Variants in MTA3 observed in about 807,000 individuals in gnomAD.
The protein encoded by MTA3 is metastasis associated 1 family member 3.
MTA3 carries 34 observed loss-of-function variants against 83.5 expected under a neutral mutation model. That is an observed-to-expected ratio of 0.41 (90% confidence interval 0.31 to 0.54). The LOEUF (loss-of-function observed/expected upper bound fraction) is 0.54. Ranked by LOEUF, MTA3 falls within the 20% of genes least tolerant of loss-of-function variation. The pLI, the probability that MTA3 is intolerant of heterozygous loss-of-function variation, is 0.33. For missense variants in MTA3, 761 were observed against 726.4 expected, an observed-to-expected ratio of 1.05 and a Z score of -0.55; for synonymous variants, 303 against 252.7, an observed-to-expected ratio of 1.20 and a Z score of -1.89.
At chr2:42,513,866 A>C (rs1675012788) in intron 2 of MTA3, among the ~76,000 whole-genome samples, 1 of 152,228 alleles carries the variant, frequency 6.6e-6, no homozygotes, top group South Asian at 2.1e-4. Flanking sequence ...GAAATCCAGC[A>C]ATGCTGGCCT....
Position 42,754,227 on chromosome 2 carries a change from G to C in MTA3, c.*828G>C, listed in dbSNP as rs1449843098. On this transcript the variant is annotated 3_prime_UTR_variant, in exon 17 of 17. Coordinates refer to ENST00000405094, the MANE Select transcript of MTA3 (RefSeq NM_001330442.2). ...GCCCTGTTCCCTTGCAGCCAAACCAGCTGATGAAGAACTGCTGCCAGGTGG... is the reference window on the plus strand; with the variant it reads ...GCCCTGTTCCCTTGCAGCCAAACCACCTGATGAAGAACTGCTGCCAGGTGG... The C allele has an allele frequency of 1.0e-6, 1 of 985,338 alleles. No individual in the cohort carries two copies. The highest frequency in any genetic ancestry group is 1.2e-6 in the Non-Finnish European group (1 of 829,968). The allele number at this position is 985,338 out of a possible 1,614,324, so 61.0% of individuals were successfully genotyped here.
chr2:42,585,657 A>G (rs906092966), intron 3 of MTA3, among the ~76,000 whole-genome samples: 17 of 151,762 alleles, frequency 1.1e-4, no homozygotes, highest in African/African-American at 3.6e-4. Flanking sequence ...GTATTTTTAT[A>G]GAGACCGGGT....
chr2:42,638,437 G>T (rs1241393157), intron 4 of MTA3, among the ~76,000 whole-genome samples: 1 of 151,402 alleles, frequency 6.6e-6, no homozygotes, highest in Admixed American at 6.6e-5. Context: ...TGCCCAGGCT[G>T]GAGTTCAGTG....
chr2:42,572,770 C>T (rs1323388216), intron 2 of MTA3, among the ~76,000 whole-genome samples: 1 of 152,056 alleles, frequency 6.6e-6, no homozygotes, highest in East Asian at 1.9e-4. Context: ...TCTTGTTGCC[C>T]AGACTGGAGT....
intron 11 of MTA3, among the ~76,000 whole-genome samples, chr2:42,701,943 G>T (rs889695073): frequency 7.2e-6 from 1 of 138,912 alleles, no homozygotes; most frequent in Non-Finnish European, 1.6e-5. Context: ...GGGCATGGTG[G>T]CTCACGCCTG....
At chr2:42,591,682 G>A (rs184155757) in intron 3 of MTA3, among the ~76,000 whole-genome samples, 1 of 148,470 alleles carries the variant, frequency 6.7e-6, no homozygotes, top group Admixed American at 6.7e-5. Flanking sequence ...ACGGAGTTTC[G>A]CTCAGTGGCC....
At chr2:42,551,360 T>C (rs1159104282) in intron 2 of MTA3, among the ~76,000 whole-genome samples, 2 of 151,860 alleles carry the variant, frequency 1.3e-5, no homozygotes, top group Non-Finnish European at 2.9e-5. Context: ...CTGGCTAAGT[T>C]TTATATTTTT....
chr2:42,556,950 G>A (rs998684088), intron 2 of MTA3, among the ~76,000 whole-genome samples: 1 of 152,188 alleles, frequency 6.6e-6, no homozygotes, highest in Non-Finnish European at 1.5e-5. Context: ...AAGATCAAGG[G>A]CAGAGGAAGG....
chr2:42,617,911 A>G, intron 4 of MTA3, among the ~76,000 whole-genome samples: 1 of 151,992 alleles, frequency 6.6e-6, no homozygotes, highest in South Asian at 2.1e-4. Flanking sequence ...GGGAGCATTG[A>G]TAGAAATCTG....
chr2:42,572,347 G>C (rs1678584162), intron 2 of MTA3, among the ~76,000 whole-genome samples: 1 of 151,986 alleles, frequency 6.6e-6, no homozygotes, highest in African/African-American at 2.4e-5. Flanking sequence ...ATTTTGGGAA[G>C]CTGAGGCCTC....
At chr2:42,534,438 A>T (rs951275999) in intron 2 of MTA3, among the ~76,000 whole-genome samples, 12 of 152,288 alleles carry the variant, frequency 7.9e-5, no homozygotes, top group Non-Finnish European at 1.3e-4. Flanking sequence ...TCTACTAAAA[A>T]TACAAAAAAT....
chr2:42,646,593 G>C (rs558378847), intron 6 of MTA3, among the ~76,000 whole-genome samples: 17 of 152,340 alleles, frequency 1.1e-4, no homozygotes, highest in Non-Finnish European at 2.2e-4. Context: ...AGTAACTGTA[G>C]TTATGGTGGA....
chr2:42,714,854 G>C (rs1666914079), intron 14 of MTA3, among the ~76,000 whole-genome samples: 1 of 152,288 alleles, frequency 6.6e-6, no homozygotes, highest in African/African-American at 2.4e-5. Context: ...GCTCCTATGA[G>C]AATCTAATGC....
chr2:42,653,772 C>G (rs1401115258), intron 6 of MTA3, among the ~76,000 whole-genome samples: 1 of 152,154 alleles, frequency 6.6e-6, no homozygotes. Flanking sequence ...ATTTAACTGA[C>G]TTGAATTTGA....
intron 3 of MTA3, among the ~76,000 whole-genome samples, chr2:42,600,847 T>C (rs565151743): frequency 6.6e-6 from 1 of 152,110 alleles, no homozygotes; most frequent in Admixed American, 6.6e-5. Context: ...AGCTCAATGG[T>C]TCATTTCTTT....
rs67598721 is a variant in MTA3 at position 42,595,106 on chromosome 2, A to ATTTTTT, written c.191-14336_191-14331dup. Among the ~76,000 whole-genome samples the ATTTTTT allele has an allele frequency of 1.3e-3, 98 of 77,052 alleles. 7 individuals carry two copies. The highest frequency in any genetic ancestry group is 1.8e-3 in the Admixed American group (8 of 4,418). 50.5% of individuals were successfully genotyped at this position (77,052 alleles called of 152,430 possible). ...GGTAGTAAGGCTAAACAGGAGCTTC[A>ATTTTTT]TTTTTTTTTTTTTTTTTTTTTGAGA... is the stretch of plus-strand genomic sequence containing the variant. On this transcript the variant is annotated intron_variant, in intron 3 of 16. Coordinates refer to ENST00000405094, the MANE Select transcript of MTA3 (RefSeq NM_001330442.2).
intron 6 of MTA3, among the ~76,000 whole-genome samples, chr2:42,651,989 C>T (rs1331050986): frequency 1.3e-5 from 2 of 151,366 alleles, no homozygotes; most frequent in East Asian, 1.9e-4. Context: ...CCAGCTACTT[C>T]GGGAGGCTGA....
At chr2:42,676,618 T>C (rs1408408435) in intron 8 of MTA3, among the ~76,000 whole-genome samples, 1 of 151,968 alleles carries the variant, frequency 6.6e-6, no homozygotes, top group Non-Finnish European at 1.5e-5. Flanking sequence ...ATACAAAAAT[T>C]AGCTGGGCAT....
intron 16 of MTA3, among the ~76,000 whole-genome samples, chr2:42,726,247 G>C (rs1252283596): frequency 1.3e-5 from 2 of 152,174 alleles, no homozygotes; most frequent in African/African-American, 4.8e-5. Flanking sequence ...AACACCCGGG[G>C]CTGCTGAGAT....
Sources: allele counts gnomAD v4.1 joint callset (sites outside exome capture counted in the v4.1 genomes callset), GRCh38; gene constraint gnomAD v4.1.1; transcripts MANE v1.5; gene names NCBI Gene and HGNC (gene_info 2026-07-23, HGNC 2026-07-21).